Variants in RCL1 observed in about 807,000 individuals in gnomAD.
The protein encoded by RCL1 is RNA 3'-terminal phosphate cyclase-like protein.
In RCL1, 24 loss-of-function variants were observed where a neutral mutation model predicts 42.4. The observed-to-expected ratio is 0.57, with a 90% CI of 0.41 to 0.80. RCL1 has a LOEUF of 0.80. Ranked by LOEUF, RCL1 falls within the 30% of genes least tolerant of loss-of-function variation. The pLI is 0.00. For missense variants in RCL1, 578 were observed against 467.9 expected (o/e 1.24, Z -2.17); for synonymous variants, 228 against 177.3 (o/e 1.29, Z -2.27).
rs761996748 is a variant in RCL1 at position 4,834,252 on chromosome 9, A to G, written c.571A>G (p.Ile191Val). Residue 191 changes from isoleucine to valine, a missense_variant, in exon 5 of 9, where the codon ATT (isoleucine) becomes GTT (valine). Ile to Val is a conservative substitution (Grantham distance 29). Transcript: ENST00000381750. ...CACAGATCCAGGAAAAATCAAACGT[A>G]TTAGAGGAATGGCGTATCCTTTCCA... ...QLTDPGKIKR[I>V]RGMAYSVRVS... 1.4e-5 allele frequency: 22 copies of G among 1,611,996 alleles called. No individual in the cohort carries two copies. Among genetic ancestry groups the G allele is most frequent in the Middle Eastern group, 3.3e-4 (2 of 6,068 alleles).
intron 8 of RCL1, 121 bp downstream of exon 8, chr9:4,849,671 C>A: frequency 1.5e-6 from 1 of 684,724 alleles, no homozygotes. Flanking sequence ...TGTTTATCCT[C>A]AAATCAGCCA....
chr9:4,831,450 A>G (rs1816940956), intron 3 of RCL1, among the ~76,000 whole-genome samples: 1 of 152,134 alleles, frequency 6.6e-6, no homozygotes, highest in African/African-American at 2.4e-5. Context: ...GCAACGCCAA[A>G]TGCATATATT....
chr9:4,851,733 G>A (rs1367397358), intron 8 of RCL1, among the ~76,000 whole-genome samples: 15 of 34,060 alleles, frequency 4.4e-4, no homozygotes, highest in South Asian at 9.1e-4. Flanking sequence ...GACCTTCCTT[G>A]GTTTAAAAAA....
intron 8 of RCL1, among the ~76,000 whole-genome samples, chr9:4,852,325 C>T (rs1817781210): frequency 6.6e-6 from 1 of 152,046 alleles, no homozygotes; most frequent in Admixed American, 6.6e-5. Flanking sequence ...GTAGTTGCAC[C>T]CTCCATTCAA....
intron 1 of RCL1, among the ~76,000 whole-genome samples, chr9:4,810,899 C>T (rs1390880771): frequency 2.6e-5 from 4 of 152,050 alleles, no homozygotes; most frequent in Admixed American, 6.6e-5. Flanking sequence ...CTTTTGCTTT[C>T]ATTGTTTTTA....
intron 1 of RCL1, among the ~76,000 whole-genome samples, chr9:4,794,804 A>C (rs1029027): frequency 2.6e-5 from 4 of 152,080 alleles, no homozygotes; most frequent in African/African-American, 4.8e-5. Flanking sequence ...GTATGTGAGC[A>C]TCTCTTCAAA....
chr9:4,809,919 C>T lies in RCL1; in HGVS notation c.137-13629C>T, dbSNP rs112912243. On this transcript the variant is annotated intron_variant, in intron 1 of 8. Transcript: ENST00000381750. ...GCAACTTCCACCTCCTGGGTTCAAGCGATTCTTGTGCCTCAGCCTCCCAAG... is the reference window on the plus strand; with the variant it reads ...GCAACTTCCACCTCCTGGGTTCAAGTGATTCTTGTGCCTCAGCCTCCCAAG... Among the ~76,000 whole-genome samples, 1,458 of 152,092 alleles carry T rather than the reference C, an allele frequency of 9.6e-3. 28 individuals are homozygous for T. Among genetic ancestry groups the T allele is most frequent in the African/African-American group, 0.033 (1,377 of 41,498 alleles).
chr9:4,803,008 C>T (rs892916040), intron 1 of RCL1, among the ~76,000 whole-genome samples: 1 of 150,692 alleles, frequency 6.6e-6, no homozygotes, highest in Non-Finnish European at 1.5e-5. Context: ...TTTCTTTTTC[C>T]TTTTTCCTTT....
intron 8 of RCL1, among the ~76,000 whole-genome samples, chr9:4,856,441 C>G (rs1203717799): frequency 6.6e-6 from 1 of 152,136 alleles, no homozygotes; most frequent in Non-Finnish European, 1.5e-5. Context: ...TGGAGAAGAG[C>G]CTCTTTACTG....
intron 3 of RCL1, among the ~76,000 whole-genome samples, chr9:4,830,154 A>T (rs1816900722): frequency 6.6e-6 from 1 of 152,214 alleles, no homozygotes; most frequent in African/African-American, 2.4e-5. Context: ...AGTCAGACTG[A>T]GCAGTGAGAC....
chr9:4,812,866 C>G (rs138261276), intron 1 of RCL1, among the ~76,000 whole-genome samples: 400 of 151,640 alleles, frequency 2.6e-3, no homozygotes, highest in African/African-American at 9.2e-3. Context: ...ATTTCTTTTT[C>G]TGCTAATTCA....
At chr9:4,849,237 A>G (rs1389812052) in intron 7 of RCL1, among the ~76,000 whole-genome samples, 2 of 151,812 alleles carry the variant, frequency 1.3e-5, no homozygotes, top group African/African-American at 2.4e-5. Context: ...GATAGTCTCA[A>G]CTATTACAGT....
chr9:4,821,451 T>G (rs1349396083), intron 1 of RCL1, among the ~76,000 whole-genome samples: 3 of 152,176 alleles, frequency 2.0e-5, no homozygotes, highest in Non-Finnish European at 4.4e-5. Context: ...ATCCATTTCG[T>G]TTTGCTATAA....
intron 3 of RCL1, among the ~76,000 whole-genome samples, chr9:4,832,323 A>G (rs73383271): frequency 0.01 from 1,595 of 152,160 alleles, 29 homozygotes; most frequent in African/African-American, 0.033. Flanking sequence ...CCCAACTCCC[A>G]TGTAAAATCA....
At chr9:4,855,317 G>A (rs1183308102) in intron 8 of RCL1, among the ~76,000 whole-genome samples, 2 of 150,958 alleles carry the variant, frequency 1.3e-5, no homozygotes, top group Non-Finnish European at 2.9e-5. Context: ...GCGCTGTGTG[G>A]GTGGTTACTC....
chr9:4,846,888 A>G (rs934478552), intron 7 of RCL1, among the ~76,000 whole-genome samples: 1 of 19,020 alleles, frequency 5.3e-5, no homozygotes, highest in Non-Finnish European at 1.1e-4. Flanking sequence ...GTTCTTTAAT[A>G]TTTTTCTTTT....
intron 5 of RCL1, among the ~76,000 whole-genome samples, chr9:4,835,954 G>T (rs1817114052): frequency 6.6e-6 from 1 of 152,184 alleles, no homozygotes; most frequent in Non-Finnish European, 1.5e-5. Context: ...GTGGCTCCAG[G>T]TAGAGCTGTG....
chr9:4,833,074 T>G, intron 3 of RCL1, 80 bp from the exon 4 acceptor site: 1 of 946,314 alleles, frequency 1.1e-6, no homozygotes, highest in Admixed American at 1.7e-5. Context: ...ACCTGGTTGC[T>G]AAGCCTTACT....
At chr9:4,842,506 G>A (rs554374331) in intron 6 of RCL1, among the ~76,000 whole-genome samples, 2 of 152,342 alleles carry the variant, frequency 1.3e-5, no homozygotes, top group Admixed American at 6.5e-5. Flanking sequence ...TGTGGGCAAA[G>A]CTGGACTTTC....
Sources: allele counts gnomAD v4.1 joint callset (sites outside exome capture counted in the v4.1 genomes callset), GRCh38; gene constraint gnomAD v4.1.1; transcripts MANE v1.5; gene names NCBI Gene and HGNC (gene_info 2026-07-23, HGNC 2026-07-21).